Variants in ACACB observed in about 807,000 individuals in gnomAD.
The protein encoded by ACACB is acetyl-CoA carboxylase 2.
ACACB carries 209 observed loss-of-function variants against 278.8 expected under a neutral mutation model. The observed-to-expected ratio is 0.75, with a 90% CI of 0.67 to 0.84. ACACB has a LOEUF of 0.84. Among genes scored for constraint, ACACB ranks in the 40% least tolerant of loss-of-function variants. The probability of loss-of-function intolerance (pLI) is 0.00; values close to 1 mark genes in which losing one functional copy is unlikely to be tolerated. For missense variants in ACACB, 2,850 were observed against 3,269.0 expected (o/e 0.87, Z 3.13); for synonymous variants, 1,174 against 1,285.6 (o/e 0.91, Z 1.86).
At chr12:109,264,028 C>T in intron 49 of ACACB, 6 of 600,366 alleles carry the variant, frequency 1.0e-5, no homozygotes, top group Non-Finnish European at 1.7e-5. Flanking sequence ...GGGGCCAGGC[C>T]AGTGGACTCT....
intron 13 of ACACB, among the ~76,000 whole-genome samples, chr12:109,189,606 G>A (rs1239997720): frequency 6.6e-6 from 1 of 152,068 alleles, no homozygotes; most frequent in Admixed American, 6.6e-5. Context: ...GCTAAAATGG[G>A]GACCACCCCA....
At position 109,188,091 on chromosome 12, in the gene ACACB, C is replaced by T. The variant is rs755110288; in HGVS notation, c.2073C>T (p.Gly691=). 6.2e-7 allele frequency: 1 copy of T among 1,613,542 alleles called. No homozygotes were observed. Among genetic ancestry groups the T allele is most frequent in the South Asian group, 1.1e-5 (1 of 91,042 alleles). Residue 691 remains glycine (G), a synonymous_variant, in exon 13 of 53, where the codon GGC becomes GGT. Transcript: ENST00000338432. ...ACTTCAGCGTGGCCGCTACTGGAGG[C>T]CTGCACGAGTTTGCGGATTCCCAAT... ...WGYFSVAATG[G]LHEFADSQFG...
chr12:109,139,533 C>G lies in ACACB; in HGVS notation c.128C>G (p.Pro43Arg). The change falls in exon 2 of 53, where the codon CCG (proline) becomes CGG (arginine). Residue 43 changes from proline (P) to arginine (R), a missense_variant. Around this residue, in one of 3 missense-constraint regions of ACACB, gnomAD observed 2,265 missense variants for 2,561.3 expected, o/e 0.88. Coordinates refer to ENST00000338432, the MANE Select transcript of ACACB (RefSeq NM_001093.4). Reference protein sequence around the residue: ...TKSKSEANLIPSQEPFPASDN... With the variant: ...TKSKSEANLIRSQEPFPASDN... ...AGTAAATCAGAAGCAAACCTCATCC[C>G]GAGCCAGGAGCCCTTTCCAGCCTCT... is the stretch of plus-strand genomic sequence containing the variant. 1 of 1,614,126 alleles carries G rather than the reference C, an allele frequency of 6.2e-7. No individual in the cohort carries two copies. The highest frequency in any genetic ancestry group is 2.2e-5 in the East Asian group (1 of 44,888).
At chr12:109,242,163 C>G (rs2046817113) in intron 36 of ACACB, 1 of 373,434 alleles carries the variant, frequency 2.7e-6, no homozygotes, top group Non-Finnish European at 4.9e-6. Flanking sequence ...CGGATTTCAC[C>G]AGCGTTTCCA....
At chr12:109,176,959 T>C (rs147057046) in intron 9 of ACACB, among the ~76,000 whole-genome samples, 58 of 152,374 alleles carry the variant, frequency 3.8e-4, no homozygotes, top group African/African-American at 9.9e-4. Flanking sequence ...ATTTACTTAC[T>C]GGTAGCTAGT....
intron 21 of ACACB, among the ~76,000 whole-genome samples, chr12:109,210,059 GTGTGTATATA>G (rs1278450648): frequency 1.1e-5 from 1 of 88,198 alleles, no homozygotes; most frequent in South Asian, 3.9e-4. Context: ...ATACACACAC[GTGTGTATATA>G]TGTGTATATA....
intron 26 of ACACB, among the ~76,000 whole-genome samples, chr12:109,223,228 G>T (rs969224439): frequency 6.6e-6 from 1 of 152,142 alleles, no homozygotes; most frequent in Non-Finnish European, 1.5e-5. Flanking sequence ...TGGCTGAGTC[G>T]CGGCCTCATC....
At chr12:109,244,738 A>T (rs1164659652) in intron 37 of ACACB, among the ~76,000 whole-genome samples, 2 of 152,108 alleles carry the variant, frequency 1.3e-5, no homozygotes. Context: ...GATTACAGGC[A>T]TGAGCCACCA....
intron 1 of ACACB, among the ~76,000 whole-genome samples, chr12:109,131,642 C>A (rs917997216): frequency 6.6e-6 from 1 of 152,170 alleles, no homozygotes; most frequent in African/African-American, 2.4e-5. Flanking sequence ...CAGCACTTAC[C>A]AGGACTGAGC....
intron 1 of ACACB, among the ~76,000 whole-genome samples, chr12:109,120,545 G>T (rs1566135913): frequency 6.6e-6 from 1 of 152,034 alleles, no homozygotes; most frequent in African/African-American, 2.4e-5. Flanking sequence ...GTGTGTGCAT[G>T]TGTGTATGCA....
rs1311860104 is a variant in ACACB, at chr12:109,212,904, C to G, written c.3318C>G (p.Ile1106Met). 1 of 1,614,118 alleles carries G rather than the reference C, an allele frequency of 6.2e-7. No homozygotes were observed. Among genetic ancestry groups the G allele is most frequent in the Non-Finnish European group, 8.5e-7 (1 of 1,179,990 alleles). Residue 1106 changes from isoleucine to methionine, a missense_variant, in exon 22 of 53, where the codon ATC becomes ATG. By Grantham distance (10) the Ile-to-Met change is conservative. Transcript: ENST00000338432. ...AGGCTGATCGAGAGGTCTTCTTCATCAACACCCAGAGCATCGTGCAGTTGG... is the reference window on the plus strand; with the variant it reads ...AGGCTGATCGAGAGGTCTTCTTCATGAACACCCAGAGCATCGTGCAGTTGG... ...QRKADREVFFINTQSIVQLVQ... is the reference protein window; with the variant it reads ...QRKADREVFFMNTQSIVQLVQ...
intron 11 of ACACB, among the ~76,000 whole-genome samples, chr12:109,185,062 G>C (rs150587112): frequency 6.6e-6 from 1 of 152,058 alleles, no homozygotes; most frequent in Non-Finnish European, 1.5e-5. Flanking sequence ...GTTTCTTCCT[G>C]GTTCGATTCC....
chr12:109,172,850 A>G (rs186675513), intron 6 of ACACB, among the ~76,000 whole-genome samples: 1 of 152,356 alleles, frequency 6.6e-6, no homozygotes, highest in African/African-American at 2.4e-5. Flanking sequence ...TCATTCGACC[A>G]TAAAGACGCA....
intron 12 of ACACB, 130 bp downstream of exon 12, chr12:109,185,870 G>A: frequency 1.3e-6 from 1 of 779,174 alleles, no homozygotes; most frequent in Non-Finnish European, 1.9e-6. Flanking sequence ...GGGAAACTGA[G>A]GCATGGGAAG....
rs745926314 is a variant in ACACB at position 109,242,535 on chromosome 12, C to T, written c.5121C>T (p.Phe1707=). Residue 1707 remains phenylalanine (F), a synonymous_variant, in exon 37 of 53, where the codon TTC becomes TTT. Coordinates refer to ENST00000338432, the MANE Select transcript of ACACB (RefSeq NM_001093.4). ...AGGATCTGCTCCAGGCCAAGCGATT[C>T]CAGGCCCAGACCCTGGGAACCACCT... ...VTKDLLQAKR[F]QAQTLGTTYI... 2.8e-5 allele frequency: 46 copies of T among 1,614,082 alleles called. No individual in the cohort carries two copies. The highest frequency in any genetic ancestry group is 3.9e-5 in the Non-Finnish European group (46 of 1,180,044).
chr12:109,168,599 T>C (rs1483271271), intron 4 of ACACB, among the ~76,000 whole-genome samples: 1 of 151,956 alleles, frequency 6.6e-6, no homozygotes, highest in African/African-American at 2.4e-5. Flanking sequence ...GAGGATTGCT[T>C]GAGCCCTTGA....
At chr12:109,255,321 C>T (rs1346471543) in intron 44 of ACACB, among the ~76,000 whole-genome samples, 1 of 152,204 alleles carries the variant, frequency 6.6e-6, no homozygotes, top group Non-Finnish European at 1.5e-5. Flanking sequence ...TTGGCTGCTC[C>T]TTGGCTGTGC....
intron 45 of ACACB, among the ~76,000 whole-genome samples, chr12:109,256,716 C>T (rs149550770): frequency 3.3e-5 from 5 of 152,268 alleles, no homozygotes; most frequent in East Asian, 1.9e-4. Flanking sequence ...TAATGAGCCC[C>T]GAGCTCCCTC....
intron 7 of ACACB, among the ~76,000 whole-genome samples, chr12:109,174,601 A>G (rs1392149815): frequency 2.6e-5 from 4 of 151,058 alleles, no homozygotes; most frequent in Non-Finnish European, 4.4e-5. Flanking sequence ...CTGTAACCCA[A>G]CCCCCCAACC....
Sources: allele counts gnomAD v4.1 joint callset (sites outside exome capture counted in the v4.1 genomes callset), GRCh38; gene constraint gnomAD v4.1.1; regional missense constraint gnomAD v4.1.1; transcripts MANE v1.5; gene names NCBI Gene and HGNC (gene_info 2026-07-23, HGNC 2026-07-21).